Variants in PTPRD observed in about 807,000 individuals in gnomAD.
PTPRD encodes receptor-type tyrosine-protein phosphatase delta.
In PTPRD, 34 loss-of-function variants were observed where a neutral mutation model predicts 214.5. That is an observed-to-expected ratio of 0.16 (90% confidence interval 0.12 to 0.21). The LOEUF is 0.21. PTPRD is among the 10% of genes least tolerant of loss of function. The pLI is 1.00. For missense variants in PTPRD, 2,545 were observed against 2,398.7 expected (o/e 1.06, Z -1.27); for synonymous variants, 1,128 against 845.7 (o/e 1.33, Z -5.79).
chr9:9,302,601 C>CTTTTTTTTT (rs3047853), intron 9 of PTPRD, among the ~76,000 whole-genome samples: 31 of 111,884 alleles, frequency 2.8e-4, no homozygotes, highest in Middle Eastern at 6.1e-3. Flanking sequence ...TTTTTTTTTT[C>CTTTTTTTTT]TTTTTTTTTT....
rs768763283 is a variant in PTPRD, at chr9:8,518,442, A to G, written c.962-13T>C. On this transcript the variant is annotated splice_polypyrimidine_tract_variant and intron_variant, in intron 20 of 45. Transcript: ENST00000381196. ...GGTTTGGGTAAGGCTTGGATGGGGG[A>G]AGATAAAAGACAATGACTACCCATC... 1.7e-5 allele frequency: 26 copies of G among 1,552,430 alleles called. No homozygotes were observed. Among genetic ancestry groups the G allele is most frequent in the Non-Finnish European group, 2.0e-5 (23 of 1,148,532 alleles).
At chr9:10,398,800 T>C (rs920479044) in intron 2 of PTPRD, among the ~76,000 whole-genome samples, 1 of 151,980 alleles carries the variant, frequency 6.6e-6, no homozygotes, top group African/African-American at 2.4e-5. Flanking sequence ...CATATAATTA[T>C]TACAACAATT....
intron 11 of PTPRD, among the ~76,000 whole-genome samples, chr9:8,930,723 A>AT (rs1436090956): frequency 6.6e-6 from 1 of 152,052 alleles, no homozygotes; most frequent in Admixed American, 6.6e-5. Context: ...GATGATGAGC[A>AT]TTTTTTCATG....
intron 11 of PTPRD, among the ~76,000 whole-genome samples, chr9:8,922,467 G>A (rs10977362): frequency 0.29 from 43,529 of 152,104 alleles, 7,119 homozygotes; most frequent in Non-Finnish European, 0.36. Context: ...AAGGTCATCA[G>A]GGAAATTCTT....
In PTPRD at chr9:10,087,896, T is replaced by C. The variant is rs139633305; in HGVS notation, c.-544-54106A>G. ...ATATGATTCAATGTAATACTTCTCA[T>C]GTAAGCATAATCATTTTGCAGACTA... On this transcript the variant is annotated intron_variant, in intron 3 of 45. Coordinates refer to ENST00000381196, the MANE Select transcript of PTPRD (RefSeq NM_002839.4). Among the ~76,000 whole-genome samples, 6 of 151,894 alleles carry C rather than the reference T, an allele frequency of 4.0e-5. No individual in the cohort carries two copies. In the South Asian group the frequency reaches 6.2e-4, roughly 16 times the overall value.
intron 7 of PTPRD, among the ~76,000 whole-genome samples, chr9:9,644,382 T>C (rs1029287863): frequency 5.3e-5 from 8 of 152,200 alleles, no homozygotes; most frequent in Admixed American, 5.2e-4. Flanking sequence ...GTATCATCAA[T>C]CATGACAATC....
chr9:9,557,044 G>C (rs993588508), intron 8 of PTPRD, among the ~76,000 whole-genome samples: 1 of 152,158 alleles, frequency 6.6e-6, no homozygotes, highest in Non-Finnish European at 1.5e-5. Flanking sequence ...TCATTATTTT[G>C]AGTGTGAGAG....
intron 5 of PTPRD, among the ~76,000 whole-genome samples, chr9:9,818,803 C>G (rs368714900): frequency 6.6e-6 from 1 of 150,992 alleles, no homozygotes; most frequent in East Asian, 2.0e-4. Context: ...GTAATCCCAG[C>G]TACTCGGGAG....
chr9:8,825,848 C>T (rs575782548), intron 11 of PTPRD, among the ~76,000 whole-genome samples: 37 of 152,256 alleles, frequency 2.4e-4, no homozygotes, highest in Non-Finnish European at 4.3e-4. Context: ...GTCATGGCGC[C>T]AGTGAGAGTG....
chr9:10,190,802 C>T (rs953707438), intron 3 of PTPRD, among the ~76,000 whole-genome samples: 1 of 148,026 alleles, frequency 6.8e-6, no homozygotes, highest in Non-Finnish European at 1.5e-5. Flanking sequence ...AGTTGTACAA[C>T]GTGAGGTTTA....
chr9:9,950,774 G>GATCAAACT (rs2093380218), intron 4 of PTPRD, among the ~76,000 whole-genome samples: 1 of 125,552 alleles, frequency 8.0e-6, no homozygotes, highest in Non-Finnish European at 1.8e-5. Context: ...GAAAGTGGAA[G>GATCAAACT]ATCAAACTAT....
At chr9:10,280,817 G>A (rs1596050742) in intron 3 of PTPRD, among the ~76,000 whole-genome samples, 1 of 151,678 alleles carries the variant, frequency 6.6e-6, no homozygotes, top group Non-Finnish European at 1.5e-5. Flanking sequence ...GTTCCACTTT[G>A]TTGTCCAGGC....
chr9:8,992,796 G>T (rs746550521), intron 11 of PTPRD, among the ~76,000 whole-genome samples: 3 of 152,096 alleles, frequency 2.0e-5, no homozygotes, highest in African/African-American at 7.2e-5. Flanking sequence ...ATTATGCCAC[G>T]CCTTAAGTGA....
At chr9:10,584,532 T>G (rs1591473483) in intron 2 of PTPRD, among the ~76,000 whole-genome samples, 1 of 152,192 alleles carries the variant, frequency 6.6e-6, no homozygotes, top group African/African-American at 2.4e-5. Context: ...TTCTGATTCT[T>G]TGAAAGCCAG....
At chr9:10,178,791 G>A (rs1294311360) in intron 3 of PTPRD, among the ~76,000 whole-genome samples, 2 of 151,904 alleles carry the variant, frequency 1.3e-5, no homozygotes. Context: ...CTCACTAGAT[G>A]TGAGGAGTAC....
chr9:9,710,782 G>C (rs2097710782), intron 7 of PTPRD, among the ~76,000 whole-genome samples: 1 of 151,912 alleles, frequency 6.6e-6, no homozygotes, highest in African/African-American at 2.4e-5. Flanking sequence ...ACACCAACCT[G>C]TTGGACACAC....
intron 5 of PTPRD, among the ~76,000 whole-genome samples, chr9:9,923,303 C>T (rs1394770407): frequency 6.8e-6 from 1 of 147,724 alleles, no homozygotes; most frequent in Non-Finnish European, 1.5e-5. Context: ...AGATAAAAAT[C>T]AAGAAAATCT....
chr9:8,551,130 CT>C (rs2081989060), intron 14 of PTPRD, among the ~76,000 whole-genome samples: 1 of 152,122 alleles, frequency 6.6e-6, no homozygotes, highest in Non-Finnish European at 1.5e-5. Flanking sequence ...AGTATTTTAT[CT>C]TTCTTCATAA....
intron 9 of PTPRD, among the ~76,000 whole-genome samples, chr9:9,361,985 G>C (rs118179882): frequency 6.6e-6 from 1 of 151,008 alleles, no homozygotes; most frequent in Non-Finnish European, 1.5e-5. Flanking sequence ...CCTTTTGGAA[G>C]AGCCAACGTT....
Sources: gnomAD v4.1 joint callset for allele counts (sites outside exome capture counted in the v4.1 genomes callset) on GRCh38, gnomAD v4.1.1 for gene constraint, MANE v1.5 for transcripts, NCBI Gene and HGNC (gene_info 2026-07-23, HGNC 2026-07-21) for gene names.